TBCE: variants seen among roughly 807,000 people sequenced by gnomAD.
The protein encoded by TBCE is tubulin-specific chaperone E.
In TBCE, 53 loss-of-function variants were observed where a neutral mutation model predicts 77.0. The observed-to-expected ratio is 0.69, with a 90% CI of 0.55 to 0.87. The LOEUF (loss-of-function observed/expected upper bound fraction) is 0.87, where lower values mean the gene tolerates loss of function less well. TBCE is among the 40% of genes least tolerant of loss of function. TBCE has a pLI of 0.00. For missense variants in TBCE, 624 were observed against 622.4 expected (o/e 1.00, Z -0.03); for synonymous variants, 235 against 241.3 (o/e 0.97, Z 0.24).
intron 5 of TBCE, among the ~76,000 whole-genome samples, chr1:235,422,353 A>C (rs1448970137): frequency 6.7e-6 from 1 of 149,464 alleles, no homozygotes; most frequent in Non-Finnish European, 1.5e-5. Flanking sequence ...CTGTACTAAA[A>C]ATACAAAAAA....
chr1:235,370,346 T>C (rs996139983), intron 1 of TBCE, among the ~76,000 whole-genome samples: 15 of 149,922 alleles, frequency 1.0e-4, no homozygotes, highest in Non-Finnish European at 1.9e-4. Flanking sequence ...CTCTGCCTCC[T>C]GGGTTCAAGC....
At position 235,406,195 on chromosome 1, in the gene TBCE, C is replaced by T. The variant is rs992512125; in HGVS notation, c.185+4608C>T. On this transcript the variant is annotated intron_variant, in intron 3 of 16. Transcript: ENST00000642610. ...ATTTATGGGGCAATACAAAAGAGAT[C>T]ATTGGGTCTGAAGTGGTGGAGAACC... Among the ~76,000 whole-genome samples, 6 of 152,156 alleles carry T rather than the reference C, an allele frequency of 3.9e-5. No homozygotes were observed. The East Asian group carries it at 1.2e-3, about 29-fold the overall frequency.
intron 2 of TBCE, among the ~76,000 whole-genome samples, chr1:235,384,878 T>C (rs1235512762): frequency 1.3e-5 from 2 of 150,798 alleles, no homozygotes. Context: ...TGTTTGCTCT[T>C]GCTTTTCTAG....
intron 1 of TBCE, among the ~76,000 whole-genome samples, chr1:235,372,616 T>C (rs748480903): frequency 6.6e-6 from 1 of 151,808 alleles, no homozygotes; most frequent in Non-Finnish European, 1.5e-5. Context: ...ATCCCTTCTC[T>C]ACCAATAGAA....
At chr1:235,406,791 A>G (rs374750787) in intron 3 of TBCE, among the ~76,000 whole-genome samples, 7 of 149,344 alleles carry the variant, frequency 4.7e-5, no homozygotes, top group East Asian at 3.9e-4. Flanking sequence ...CGGCCTCCCA[A>G]AGTGCTGGGA....
Position 235,428,159 on chromosome 1 carries a change from C to A in TBCE, c.560+920C>A, listed in dbSNP as rs944003748. Among the ~76,000 whole-genome samples, 6 of 151,780 alleles carry A rather than the reference C, an allele frequency of 4.0e-5. No homozygotes were observed. The South Asian group carries it at 8.4e-4, about 21-fold the overall frequency. On this transcript the variant is annotated intron_variant, in intron 6 of 16. Coordinates refer to ENST00000642610, the MANE Select transcript of TBCE (RefSeq NM_003193.5). ...CTAACAAAGTGAAACCCCATCTCTACTAAAAATACAAAAAATTAGCCGGGC... is the reference window on the plus strand; with the variant it reads ...CTAACAAAGTGAAACCCCATCTCTAATAAAAATACAAAAAATTAGCCGGGC...
At chr1:235,426,846 T>C (rs890577947) in intron 5 of TBCE, among the ~76,000 whole-genome samples, 8 of 152,204 alleles carry the variant, frequency 5.3e-5, no homozygotes, top group African/African-American at 1.9e-4. Context: ...GGTTTTGCCA[T>C]GTGGGCCAGG....
At chr1:235,390,170 T>C (rs1459075895) in intron 2 of TBCE, among the ~76,000 whole-genome samples, 1 of 152,006 alleles carries the variant, frequency 6.6e-6, no homozygotes, top group Non-Finnish European at 1.5e-5. Flanking sequence ...ACTAATGTTC[T>C]GCAAATGGCT....
intron 2 of TBCE, among the ~76,000 whole-genome samples, chr1:235,392,309 C>A (rs533636143): frequency 6.6e-6 from 1 of 151,606 alleles, no homozygotes; most frequent in Non-Finnish European, 1.5e-5. Context: ...GAACCGTGAT[C>A]GTGCCACTGC....
At chr1:235,395,325 C>T (rs1678656421) in intron 2 of TBCE, among the ~76,000 whole-genome samples, 1 of 151,958 alleles carries the variant, frequency 6.6e-6, no homozygotes, top group Admixed American at 6.6e-5. Flanking sequence ...AATGAGGTAT[C>T]CATCACCATT....
chr1:235,376,136 G>C (rs1309447523), intron 1 of TBCE, among the ~76,000 whole-genome samples: 1 of 152,086 alleles, frequency 6.6e-6, no homozygotes, highest in Admixed American at 6.6e-5. Context: ...GGTCATGTCT[G>C]TGGGCACAGC....
chr1:235,370,766 G>C (rs1447584297), intron 1 of TBCE, among the ~76,000 whole-genome samples: 1 of 142,060 alleles, frequency 7.0e-6, no homozygotes, highest in Non-Finnish European at 1.5e-5. Flanking sequence ...TTTTGAGATG[G>C]AGTCTTGCTC....
In TBCE at chr1:235,448,950, A is replaced by G; in HGVS notation, c.*188A>G. The G allele has an allele frequency of 3.7e-6, 2 of 545,668 alleles. No homozygotes were observed. The highest frequency in any genetic ancestry group is 6.6e-6 in the Non-Finnish European group (2 of 301,722). The allele number at this position is 545,668 out of a possible 1,614,324, so 33.8% of individuals were successfully genotyped here. ...AGGCTTATACATAATAGCAATAATA[A>G]AGGCTTTGAACCTACTAATGATTTT... On this transcript the variant is annotated 3_prime_UTR_variant, in exon 17 of 17. Coordinates refer to ENST00000642610, the MANE Select transcript of TBCE (RefSeq NM_003193.5).
In TBCE at chr1:235,448,787, C is replaced by A. The variant is rs749417404; in HGVS notation, c.*25C>A. 19 of 1,486,500 alleles carry A rather than the reference C, an allele frequency of 1.3e-5. No individual in the cohort carries two copies. The South Asian group carries it at 2.0e-4, about 16-fold the overall frequency. The allele number at this position is 1,486,500 out of a possible 1,614,324, so 92.1% of individuals were successfully genotyped here. On this transcript the variant is annotated 3_prime_UTR_variant, in exon 17 of 17. Transcript: ENST00000642610. ...ACAACCAACTAATAAAATTTAAAGA[C>A]CACACTGCTTATCGTGTCTGGGGTT...
intron 3 of TBCE, among the ~76,000 whole-genome samples, chr1:235,404,966 T>A (rs1679330375): frequency 6.7e-6 from 1 of 150,354 alleles, no homozygotes; most frequent in Non-Finnish European, 1.5e-5. Flanking sequence ...GGTACTTTTT[T>A]TTTTTTTTTT....
At chr1:235,409,595 C>T (rs146128004) in intron 3 of TBCE, among the ~76,000 whole-genome samples, 5 of 151,900 alleles carry the variant, frequency 3.3e-5, no homozygotes, top group East Asian at 1.9e-4. Flanking sequence ...GCATAGCATC[C>T]GTTTTGCAAC....
At chr1:235,416,134 A>T (rs1020157922) in intron 4 of TBCE, 3 of 137,184 alleles carry the variant, frequency 2.2e-5, no homozygotes, top group Non-Finnish European at 4.5e-5. Context: ...ATGCCGCTGC[A>T]CTCCAGCCTG....
chr1:235,417,367 C>T (rs1317891978), intron 4 of TBCE, among the ~76,000 whole-genome samples: 1 of 152,208 alleles, frequency 6.6e-6, no homozygotes, highest in Non-Finnish European at 1.5e-5. Context: ...TCAATGATGT[C>T]ATAAGCCTAC....
chr1:235,424,579 C>T (rs1293193413), intron 5 of TBCE, among the ~76,000 whole-genome samples: 2 of 151,316 alleles, frequency 1.3e-5, no homozygotes, highest in Admixed American at 6.6e-5. Context: ...GATCTTGGCT[C>T]ACTGTTACCT....
Sources: allele counts gnomAD v4.1 joint callset (sites outside exome capture counted in the v4.1 genomes callset), GRCh38; gene constraint gnomAD v4.1.1; transcripts MANE v1.5; gene names NCBI Gene and HGNC (gene_info 2026-07-23, HGNC 2026-07-21).